The following CDK14 variants were observed in gnomAD, a reference collection of about 807,000 sequenced individuals.
CDK14 encodes the protein cyclin dependent kinase 14, also known as cyclin-dependent kinase 14.
A neutral mutation model predicts 60.7 loss-of-function variants in CDK14; 34 were observed. The ratio of observed to expected loss-of-function variants is 0.56; its 90% CI spans 0.43 to 0.75. CDK14 has a LOEUF of 0.75. Among genes scored for constraint, CDK14 ranks in the 30% least tolerant of loss-of-function variants. CDK14 has a pLI of 0.00. For missense variants in CDK14, 482 were observed against 564.1 expected (o/e 0.85, Z 1.47); for synonymous variants, 197 against 203.7 (o/e 0.97, Z 0.28).
intron 5 of CDK14, among the ~76,000 whole-genome samples, chr7:90,802,037 C>A (rs955331731): frequency 6.6e-6 from 1 of 152,128 alleles, no homozygotes; most frequent in African/African-American, 2.4e-5. Context: ...AAGAGGGGCT[C>A]CTGGGACATA....
At chr7:91,050,013 A>G (rs1172411672) in intron 11 of CDK14, among the ~76,000 whole-genome samples, 1 of 152,206 alleles carries the variant, frequency 6.6e-6, no homozygotes, top group Non-Finnish European at 1.5e-5. Flanking sequence ...ACTGAAGAAT[A>G]TGAGAGACAG....
chr7:90,631,030 A>G (rs1357981684), intron 2 of CDK14, among the ~76,000 whole-genome samples: 1 of 151,982 alleles, frequency 6.6e-6, no homozygotes, highest in African/African-American at 2.4e-5. Context: ...CCATCTCTGT[A>G]TATTACAAAC....
intron 5 of CDK14, among the ~76,000 whole-genome samples, chr7:90,826,465 C>A (rs140388263): frequency 0.15 from 22,070 of 152,078 alleles, 1,790 homozygotes; most frequent in Middle Eastern, 0.25. Flanking sequence ...GATCTGCCCA[C>A]CTTGGGCTCC....
At chr7:90,782,489 T>G (rs1174170939) in intron 4 of CDK14, among the ~76,000 whole-genome samples, 1 of 152,188 alleles carries the variant, frequency 6.6e-6, no homozygotes, top group Non-Finnish European at 1.5e-5. Context: ...GGTATTATTT[T>G]ACTAATGCAC....
intron 8 of CDK14, among the ~76,000 whole-genome samples, chr7:90,937,335 T>C (rs1393759584): frequency 2.0e-5 from 3 of 152,208 alleles, no homozygotes; most frequent in African/African-American, 7.2e-5. Context: ...TTTTCAGATG[T>C]TTTCTTTTTA....
At chr7:90,696,349 T>A (rs1563048007) in intron 2 of CDK14, among the ~76,000 whole-genome samples, 1 of 148,280 alleles carries the variant, frequency 6.7e-6, no homozygotes, top group Non-Finnish European at 1.5e-5. Flanking sequence ...TTTTTTTTTT[T>A]TTTTTTTTTG....
intron 9 of CDK14, among the ~76,000 whole-genome samples, chr7:90,960,563 A>C (rs1043704064): frequency 6.6e-6 from 1 of 152,116 alleles, no homozygotes; most frequent in Non-Finnish European, 1.5e-5. Flanking sequence ...ACCACTCTTG[A>C]TATATAGAAA....
intron 8 of CDK14, among the ~76,000 whole-genome samples, chr7:90,942,324 C>T (rs1793959957): frequency 6.6e-6 from 1 of 152,140 alleles, no homozygotes; most frequent in South Asian, 2.1e-4. Flanking sequence ...TTGGAGTCCA[C>T]CTTCCAGCAC....
intron 2 of CDK14, among the ~76,000 whole-genome samples, chr7:90,695,567 A>T (rs530209083): frequency 6.6e-6 from 1 of 152,318 alleles, no homozygotes; most frequent in South Asian, 2.1e-4. Context: ...TGGCAGGCAG[A>T]TAATAAACGG....
chr7:90,861,710 A>G (rs544597464), intron 5 of CDK14, among the ~76,000 whole-genome samples: 1 of 152,146 alleles, frequency 6.6e-6, no homozygotes, highest in Non-Finnish European at 1.5e-5. Context: ...GACAACCCAA[A>G]CCCTTCTTCT....
intron 14 of CDK14, among the ~76,000 whole-genome samples, chr7:91,174,993 G>A (rs937363533): frequency 6.9e-6 from 1 of 145,342 alleles, no homozygotes; most frequent in African/African-American, 2.7e-5. Context: ...GCAACTCCAA[G>A]ACACATAATT....
intron 12 of CDK14, among the ~76,000 whole-genome samples, chr7:91,099,168 C>A (rs1238728641): frequency 1.3e-5 from 2 of 152,120 alleles, no homozygotes; most frequent in African/African-American, 4.8e-5. Context: ...TAGGTAGCCA[C>A]CATTTCTGTT....
chr7:91,029,442 G>C (rs1796691515), intron 10 of CDK14, among the ~76,000 whole-genome samples: 1 of 151,842 alleles, frequency 6.6e-6, no homozygotes, highest in Middle Eastern at 3.4e-3. Context: ...GATGCTTTCA[G>C]TCCATGAGCA....
intron 2 of CDK14, among the ~76,000 whole-genome samples, chr7:90,724,928 A>AATTC (rs1006905703): frequency 3.9e-5 from 6 of 152,126 alleles, no homozygotes; most frequent in African/African-American, 1.4e-4. Flanking sequence ...ACATACTTGT[A>AATTC]ATTCATTTTT....
chr7:90,933,759 G>A (rs747449991), intron 8 of CDK14, among the ~76,000 whole-genome samples: 3 of 152,090 alleles, frequency 2.0e-5, no homozygotes, highest in Non-Finnish European at 4.4e-5. Context: ...GGTAGGTAAG[G>A]TTTATGTTAT....
intron 5 of CDK14, among the ~76,000 whole-genome samples, chr7:90,808,031 A>G (rs528949009): frequency 1.0e-3 from 156 of 152,362 alleles, no homozygotes; most frequent in Non-Finnish European, 1.9e-3. Context: ...ACCAAGTTGG[A>G]AAACACTCAG....
chr7:91,201,778 T>G (rs1802736811), intron 14 of CDK14, among the ~76,000 whole-genome samples: 1 of 152,188 alleles, frequency 6.6e-6, no homozygotes, highest in African/African-American at 2.4e-5. Flanking sequence ...TTGGGTCTGT[T>G]TGCTTGCATT....
intron 11 of CDK14, among the ~76,000 whole-genome samples, chr7:91,073,689 A>T (rs191603295): frequency 9.9e-5 from 15 of 152,218 alleles, no homozygotes; most frequent in Admixed American, 2.0e-4. Flanking sequence ...ACATGCCCCA[A>T]TTAGAAGACA....
intron 12 of CDK14, among the ~76,000 whole-genome samples, chr7:91,082,466 A>C (rs1798509256): frequency 6.6e-6 from 1 of 152,160 alleles, no homozygotes; most frequent in African/African-American, 2.4e-5. Flanking sequence ...TCTCTTAGTT[A>C]AGTAAAACTG....
Sources: allele counts gnomAD v4.1 joint callset (sites outside exome capture counted in the v4.1 genomes callset), GRCh38; gene constraint gnomAD v4.1.1; transcripts MANE v1.5; gene names NCBI Gene and HGNC (gene_info 2026-07-23, HGNC 2026-07-21).